ZWILCH: variants seen among roughly 807,000 people sequenced by gnomAD.
The protein encoded by ZWILCH is zwilch kinetochore protein.
ZWILCH carries 74 observed loss-of-function variants against 79.9 expected under a neutral mutation model. The ratio of observed to expected loss-of-function variants is 0.93; its 90% CI spans 0.77 to 1.12. ZWILCH has a LOEUF of 1.12. ZWILCH is among the 50% of genes most tolerant of loss of function. The pLI is 0.00. For synonymous variants in ZWILCH, 241 were observed against 228.2 expected, an observed-to-expected ratio of 1.06 and a Z score of -0.51; for missense variants, 694 against 687.5, an observed-to-expected ratio of 1.01 and a Z score of -0.11.
intron 12 of ZWILCH, 66 bp downstream of exon 12, chr15:66,529,639 C>T: frequency 8.4e-7 from 1 of 1,193,662 alleles, no homozygotes; most frequent in Non-Finnish European, 1.2e-6. Context: ...GACACAGGCT[C>T]TGAAGCCAAC....
intron 18 of ZWILCH, 94 bp downstream of exon 18, chr15:66,546,799 C>T (rs1895387119): frequency 1.1e-5 from 6 of 550,844 alleles, no homozygotes; most frequent in Non-Finnish European, 1.8e-5. Flanking sequence ...CGATTTGCTA[C>T]ATTAGGAATA....
chr15:66,525,196 A>G (rs971960149), intron 8 of ZWILCH, among the ~76,000 whole-genome samples: 1 of 152,348 alleles, frequency 6.6e-6, no homozygotes, highest in East Asian at 1.9e-4. Context: ...TGTTATTTCT[A>G]TCACCACTAC....
chr15:66,546,211 T>C (rs1298962732), intron 17 of ZWILCH, among the ~76,000 whole-genome samples: 3 of 152,240 alleles, frequency 2.0e-5, no homozygotes, highest in Non-Finnish European at 4.4e-5. Context: ...AAAATGGATA[T>C]GTGTCTAGCC....
Position 66,527,290 on chromosome 15 carries a change from G to A in ZWILCH, c.820G>A (p.Val274Ile). 3.7e-6 allele frequency: 6 copies of A among 1,613,706 alleles called. No individual in the cohort carries two copies. Among genetic ancestry groups the A allele is most frequent in the African/African-American group, 1.3e-5 (1 of 75,000 alleles). ...TTTGGGGTTTTTAAATCTCCTGTAG[G>A]TTTTGGCTGATGGTTTGAGGACTGG... is the stretch of plus-strand genomic sequence containing the variant. ...HLYRELKFLL[V>I]LADGLRTGVT... Residue 274 changes from valine to isoleucine, a missense_variant and splice_region_variant, in exon 9 of 19, where the codon GTT (valine) becomes ATT (isoleucine). Transcript: ENST00000307897.
intron 2 of ZWILCH, among the ~76,000 whole-genome samples, chr15:66,513,635 G>A (rs1894149549): frequency 1.3e-5 from 2 of 150,868 alleles, no homozygotes; most frequent in African/African-American, 4.9e-5. Context: ...GCAGTGGCAC[G>A]ATCTCGGCTC....
At chr15:66,517,576 CAT>C (rs1176406165) in intron 4 of ZWILCH, among the ~76,000 whole-genome samples, 7 of 149,594 alleles carry the variant, frequency 4.7e-5, no homozygotes, top group Admixed American at 1.3e-4. Flanking sequence ...CATTCTCTTA[CAT>C]AACCATGGAA....
At chr15:66,511,507 A>G (rs1894063037) in intron 2 of ZWILCH, among the ~76,000 whole-genome samples, 1 of 152,040 alleles carries the variant, frequency 6.6e-6, no homozygotes, top group African/African-American at 2.4e-5. Flanking sequence ...AAAAAAAAAA[A>G]AAAGATAAAA....
intron 17 of ZWILCH, 89 bp downstream of exon 17, chr15:66,540,299 C>A: frequency 9.2e-7 from 1 of 1,092,590 alleles, no homozygotes; most frequent in Admixed American, 2.5e-5. Flanking sequence ...CGCCTGTAAT[C>A]CCAGCACTTT....
chr15:66,509,023 T>G, intron 2 of ZWILCH, 131 bp downstream of exon 2: 2 of 919,934 alleles, frequency 2.2e-6, no homozygotes, highest in Non-Finnish European at 3.2e-6. Context: ...CACTGCAAGC[T>G]CCGGCTCCCG....
chr15:66,508,947 A>G, intron 2 of ZWILCH, 55 bp downstream of exon 2: 1 of 1,584,442 alleles, frequency 6.3e-7, no homozygotes, highest in Non-Finnish European at 8.6e-7. Flanking sequence ...GTCTGTTTTT[A>G]TTTTTATTTT....
chr15:66,523,410 G>T, intron 7 of ZWILCH: 2 of 301,776 alleles, frequency 6.6e-6, no homozygotes, highest in Non-Finnish European at 6.1e-6. Context: ...AGGGGAGTGT[G>T]TGAGGAGGGC....
chr15:66,547,383 A>G (rs1389752507), intron 18 of ZWILCH: 1 of 151,690 alleles, frequency 6.6e-6, no homozygotes, highest in Non-Finnish European at 1.5e-5. Flanking sequence ...TATTTTTAGT[A>G]GAGACATTTT....
chr15:66,508,132 G>C (rs1292939960), intron 1 of ZWILCH, among the ~76,000 whole-genome samples: 1 of 152,194 alleles, frequency 6.6e-6, no homozygotes, highest in Non-Finnish European at 1.5e-5. Flanking sequence ...TCTTGAAACA[G>C]TTCTGTTGGG....
chr15:66,525,336 G>T (rs890914674), intron 8 of ZWILCH, among the ~76,000 whole-genome samples: 4 of 152,158 alleles, frequency 2.6e-5, no homozygotes, highest in Non-Finnish European at 5.9e-5. Flanking sequence ...TTAAATGTGT[G>T]TTTGTCTAAT....
intron 12 of ZWILCH, among the ~76,000 whole-genome samples, chr15:66,530,384 C>T (rs1894819193): frequency 6.6e-6 from 1 of 152,164 alleles, no homozygotes; most frequent in Non-Finnish European, 1.5e-5. Flanking sequence ...GCCTGTAATT[C>T]CAACTCTTTG....
intron 14 of ZWILCH, among the ~76,000 whole-genome samples, chr15:66,533,405 T>C (rs1894912818): frequency 6.6e-6 from 1 of 152,212 alleles, no homozygotes; most frequent in African/African-American, 2.4e-5. Context: ...ATCTTTAATG[T>C]ATACTTTTGG....
Position 66,537,174 on chromosome 15 carries a change from CA to C in ZWILCH, c.1486del (p.Ile496Ter), listed in dbSNP as rs1466766928. 6.2e-7 allele frequency: 1 copy of C among 1,612,650 alleles called. No individual in the cohort carries two copies. Reference sequence around the variant, plus strand: ...TTCCATTTTGTTTTTTCAGGATCTGCATAAAGTATTACAAACAAAATCCTCT... The same window carrying C: ...TTCCATTTTGTTTTTTCAGGATCTGCTAAAGTATTACAAACAAAATCCTCT... ...ELLFSLTQIC[I>X]KYYKQNPLDE... On this transcript the variant is annotated frameshift_variant, in exon 16 of 19. Transcript: ENST00000307897. LOFTEE classifies it high-confidence loss of function.
At chr15:66,546,749 AT>A in intron 18 of ZWILCH, 44 bp downstream of exon 18, 1 of 1,081,262 alleles carries the variant, frequency 9.2e-7, no homozygotes, top group South Asian at 1.7e-5. Flanking sequence ...ATACTTTGTA[AT>A]AAGTACCTTA....
chr15:66,528,302 C>G (rs939491618), intron 10 of ZWILCH, among the ~76,000 whole-genome samples: 2 of 152,146 alleles, frequency 1.3e-5, no homozygotes, highest in African/African-American at 2.4e-5. Context: ...TGGGTTCTCA[C>G]TATATTGCCT....
Sources: allele counts gnomAD v4.1 joint callset (sites outside exome capture counted in the v4.1 genomes callset), GRCh38; gene constraint gnomAD v4.1.1; transcripts MANE v1.5; gene names NCBI Gene and HGNC (gene_info 2026-07-23, HGNC 2026-07-21).